Variants in RASGEF1C observed in about 807,000 individuals in gnomAD.
RASGEF1C encodes RasGEF domain family member 1C, also known as ras-GEF domain-containing family member 1C.
A neutral mutation model predicts 58.1 loss-of-function variants in RASGEF1C; 27 were observed. The observed-to-expected ratio is 0.46, with a 90% CI of 0.34 to 0.64. The LOEUF is 0.64. RASGEF1C is among the 30% of genes least tolerant of loss of function. The probability of loss-of-function intolerance (pLI) is 0.01; values close to 1 mark genes in which losing one functional copy is unlikely to be tolerated. For missense variants in RASGEF1C, 502 were observed against 605.1 expected (o/e 0.83, Z 1.79); for synonymous variants, 243 against 246.3 (o/e 0.99, Z 0.13).
chr5:180,207,469 G>C lies in RASGEF1C; in HGVS notation c.-7+1559C>G, dbSNP rs80019966. Among the ~76,000 whole-genome samples the C allele has an allele frequency of 2.1e-4, 32 of 152,344 alleles. No individual in the cohort carries two copies. The East Asian group carries it at 6.0e-3, about 29-fold the overall frequency. ...TCTGGATCTGGGTCCAGGTACAAGT[G>C]AGAGCTGGAACCACCTCAGAGACTG... On this transcript the variant is annotated intron_variant, in intron 1 of 13. Coordinates refer to ENST00000361132, the MANE Select transcript of RASGEF1C (RefSeq NM_175062.4).
intron 1 of RASGEF1C, among the ~76,000 whole-genome samples, chr5:180,149,244 C>T (rs539103712): frequency 5.9e-5 from 9 of 151,850 alleles, no homozygotes; most frequent in Admixed American, 2.6e-4. Context: ...CACACTACCA[C>T]GCCCAGCTAA....
chr5:180,190,489 CAAA>C (rs869186264), intron 1 of RASGEF1C, among the ~76,000 whole-genome samples: 26,249 of 76,790 alleles, frequency 0.34, 4,517 homozygotes, highest in African/African-American at 0.42. Context: ...GACTCCGTCT[CAAA>C]AAAAAAAAAA....
intron 1 of RASGEF1C, among the ~76,000 whole-genome samples, chr5:180,157,718 C>A (rs10070065): frequency 0.15 from 22,986 of 151,800 alleles, 1,857 homozygotes; most frequent in East Asian, 0.18. Flanking sequence ...AGAAGCCAAT[C>A]TGAAAAGACT....
intron 4 of RASGEF1C, among the ~76,000 whole-genome samples, chr5:180,132,801 T>C (rs1322557642): frequency 6.6e-6 from 1 of 151,952 alleles, no homozygotes; most frequent in East Asian, 1.9e-4. Context: ...AAACCCTGTC[T>C]CTACTAAAAA....
chr5:180,161,328 T>C, intron 1 of RASGEF1C, among the ~76,000 whole-genome samples: 1 of 152,064 alleles, frequency 6.6e-6, no homozygotes, highest in East Asian at 1.9e-4. Flanking sequence ...GGGAGGTGAG[T>C]GGGCTCCGAG....
intron 1 of RASGEF1C, among the ~76,000 whole-genome samples, chr5:180,193,103 C>T: frequency 7.1e-6 from 1 of 140,658 alleles, no homozygotes; most frequent in Admixed American, 7.4e-5. Context: ...TCACCCAGGC[C>T]AGAGTGCAGT....
At position 180,123,688 on chromosome 5, in the gene RASGEF1C, A is replaced by G. The variant is rs1290694862; in HGVS notation, c.715-2539T>C. On this transcript the variant is annotated intron_variant, in intron 6 of 13. Transcript: ENST00000361132. ...AACAGTATAAATCCAAAGAAAGTAG[A>G]TGGAAGGAAATAATAAAGAGTAGAG... 4.6e-5 allele frequency among the ~76,000 whole-genome samples: 7 copies of G among 152,244 alleles called. No individual in the cohort carries two copies. In the East Asian group the frequency reaches 9.6e-4, roughly 21 times the overall value.
chr5:180,142,981 G>A (rs911795803), intron 1 of RASGEF1C, among the ~76,000 whole-genome samples: 2 of 152,272 alleles, frequency 1.3e-5, no homozygotes, highest in Admixed American at 6.5e-5. Flanking sequence ...TGAGGCATGA[G>A]CTTCTGCCTC....
At chr5:180,190,350 C>G (rs545941699) in intron 1 of RASGEF1C, among the ~76,000 whole-genome samples, 1 of 151,580 alleles carries the variant, frequency 6.6e-6, no homozygotes, top group Non-Finnish European at 1.5e-5. Flanking sequence ...ATTAGCCGGG[C>G]GTGGTGGCGG....
chr5:180,173,800 C>A (rs1767160641), intron 1 of RASGEF1C, among the ~76,000 whole-genome samples: 1 of 151,962 alleles, frequency 6.6e-6, no homozygotes, highest in African/African-American at 2.4e-5. Context: ...GTAATCCCAG[C>A]TGCTAGGGAG....
At chr5:180,205,923 C>CA (rs948583749) in intron 1 of RASGEF1C, among the ~76,000 whole-genome samples, 14 of 152,098 alleles carry the variant, frequency 9.2e-5, no homozygotes, top group Admixed American at 2.0e-4. Flanking sequence ...TTGGTAGAGA[C>CA]AAGGTTTCAC....
intron 1 of RASGEF1C, among the ~76,000 whole-genome samples, chr5:180,200,318 T>TTTTTC (rs1441571296): frequency 8.5e-6 from 1 of 118,242 alleles, no homozygotes; most frequent in Non-Finnish European, 1.9e-5. Context: ...TTCTTTTTTT[T>TTTTTC]TTTTTTTTTG....
intron 1 of RASGEF1C, among the ~76,000 whole-genome samples, chr5:180,139,095 C>T (rs762095451): frequency 6.6e-6 from 1 of 152,162 alleles, no homozygotes; most frequent in Non-Finnish European, 1.5e-5. Flanking sequence ...CAGAGCACAT[C>T]CTCTGTGACC....
intron 7 of RASGEF1C, among the ~76,000 whole-genome samples, chr5:180,120,452 C>T (rs148581474): frequency 2.6e-5 from 4 of 151,790 alleles, no homozygotes; most frequent in African/African-American, 9.7e-5. Context: ...CCTGGCCCAG[C>T]GCTGCCTCCA....
intron 4 of RASGEF1C, among the ~76,000 whole-genome samples, chr5:180,133,417 GAGCTCTGTGGTTCCCTCAC>G (rs1766403450): frequency 6.6e-6 from 1 of 152,142 alleles, no homozygotes; most frequent in South Asian, 2.1e-4. Flanking sequence ...CTGCAGCCCT[GAGCTCTGTGGTTCCCTCAC>G]AGCCCTGTGA....
chr5:180,174,156 C>G (rs1346510976), intron 1 of RASGEF1C, among the ~76,000 whole-genome samples: 7 of 151,956 alleles, frequency 4.6e-5, no homozygotes, highest in Admixed American at 1.3e-4. Flanking sequence ...TGACTTCGGG[C>G]AGACTGTTTA....
chr5:180,118,352 C>G (rs1221211066), intron 10 of RASGEF1C, among the ~76,000 whole-genome samples: 1 of 109,750 alleles, frequency 9.1e-6, no homozygotes, highest in Non-Finnish European at 1.9e-5. Context: ...ACTCGTGTGG[C>G]CCCCCAAGAA....
At chr5:180,130,829 T>C (rs1026537540) in intron 4 of RASGEF1C, among the ~76,000 whole-genome samples, 1 of 152,162 alleles carries the variant, frequency 6.6e-6, no homozygotes, top group South Asian at 2.1e-4. Context: ...TCCAGAGTCA[T>C]ATGGGCGGCG....
At chr5:180,105,822 C>T (rs934934925) in intron 12 of RASGEF1C, among the ~76,000 whole-genome samples, 4 of 150,604 alleles carry the variant, frequency 2.7e-5, no homozygotes, top group African/African-American at 4.9e-5. Context: ...GAGCCGAGAT[C>T]GTGCCACTGC....
Sources: gnomAD v4.1 joint callset for allele counts (sites outside exome capture counted in the v4.1 genomes callset) on GRCh38, gnomAD v4.1.1 for gene constraint, MANE v1.5 for transcripts, NCBI Gene and HGNC (gene_info 2026-07-23, HGNC 2026-07-21) for gene names.